The following MAPK4 variants were observed in gnomAD, a reference collection of about 807,000 sequenced individuals.
The protein encoded by MAPK4 is mitogen-activated protein kinase 4, also known as Erk3-related.
In MAPK4, 22 loss-of-function variants were observed where a neutral mutation model predicts 47.7. The ratio of observed to expected loss-of-function variants is 0.46; its 90% CI spans 0.33 to 0.66. The LOEUF is 0.66. Among genes scored for constraint, MAPK4 ranks in the 30% least tolerant of loss-of-function variants. The pLI, the probability that MAPK4 is intolerant of heterozygous loss-of-function variation, is 0.02. For synonymous variants in MAPK4, 390 were observed against 365.7 expected (o/e 1.07, Z -0.76); for missense variants, 736 against 831.7 (o/e 0.88, Z 1.42).
chr18:50,614,718 G>T (rs565037755), intron 1 of MAPK4, among the ~76,000 whole-genome samples: 7 of 152,242 alleles, frequency 4.6e-5, no homozygotes, highest in African/African-American at 1.7e-4. Flanking sequence ...ATATTTAAAG[G>T]TTACGAATTG....
intron 1 of MAPK4, among the ~76,000 whole-genome samples, chr18:50,632,632 T>TC (rs2042841731): frequency 6.6e-6 from 1 of 150,462 alleles, no homozygotes; most frequent in South Asian, 2.1e-4. Context: ...TTTTTTTTTT[T>TC]TTTTTGAGAC....
intron 2 of MAPK4, chr18:50,706,234 G>A (rs1410563998): frequency 6.6e-6 from 1 of 152,098 alleles, no homozygotes; most frequent in Admixed American, 6.5e-5. Flanking sequence ...CCTGAGGGGA[G>A]GTAGAAATAG....
chr18:50,583,139 G>A (rs940895678), intron 1 of MAPK4, among the ~76,000 whole-genome samples: 6 of 152,166 alleles, frequency 3.9e-5, no homozygotes, highest in Non-Finnish European at 7.3e-5. Flanking sequence ...CAGAAGGAAA[G>A]CTCTCAACTG....
chr18:50,620,591 CT>C (rs2042723018), intron 1 of MAPK4, among the ~76,000 whole-genome samples: 2 of 152,100 alleles, frequency 1.3e-5, no homozygotes, highest in Non-Finnish European at 2.9e-5. Flanking sequence ...ACCATCATAT[CT>C]TCTTGCTCAT....
intron 1 of MAPK4, among the ~76,000 whole-genome samples, chr18:50,639,169 G>A (rs2042916923): frequency 6.6e-6 from 1 of 152,234 alleles, no homozygotes; most frequent in South Asian, 2.1e-4. Flanking sequence ...ACCTTGGCCT[G>A]TGGGTGGAAG....
chr18:50,717,125 AC>A (rs2144448002), intron 3 of MAPK4, among the ~76,000 whole-genome samples: 1 of 152,238 alleles, frequency 6.6e-6, no homozygotes, highest in African/African-American at 2.4e-5. Context: ...CTATCCTGAC[AC>A]AGAGCCCCAC....
intron 1 of MAPK4, among the ~76,000 whole-genome samples, chr18:50,661,321 A>G (rs1432716583): frequency 6.6e-6 from 1 of 152,188 alleles, no homozygotes; most frequent in Non-Finnish European, 1.5e-5. Flanking sequence ...CCCCTGAGTT[A>G]GGTATCCAGG....
chr18:50,702,497 A>G (rs78556750), intron 2 of MAPK4, among the ~76,000 whole-genome samples: 2,215 of 152,348 alleles, frequency 0.015, 47 homozygotes, highest in African/African-American at 0.05. Context: ...TAATTAGTAA[A>G]AATGTTATTT....
intron 1 of MAPK4, among the ~76,000 whole-genome samples, chr18:50,650,665 C>T (rs141896647): frequency 4.9e-4 from 74 of 152,294 alleles, no homozygotes; most frequent in South Asian, 3.5e-3. Context: ...ACTTCCTCAC[C>T]AGGACAGGGC....
intron 2 of MAPK4, among the ~76,000 whole-genome samples, chr18:50,713,782 G>T (rs1598945294): frequency 6.6e-6 from 1 of 152,210 alleles, no homozygotes; most frequent in Non-Finnish European, 1.5e-5. Flanking sequence ...GAAGAAGAGG[G>T]CACATTCTAC....
intron 1 of MAPK4, among the ~76,000 whole-genome samples, chr18:50,642,691 T>A (rs140612607): frequency 1.3e-5 from 2 of 152,186 alleles, no homozygotes; most frequent in South Asian, 4.1e-4. Flanking sequence ...CTTGTTCAGA[T>A]ATGCCACAGG....
rs146021603 is a variant in MAPK4, at chr18:50,569,216, A to G, written c.-871+8973A>G. ...TCATTTTAAGATGTACAGTGTTTTT[A>G]TATTTTAGTCTCTGAAATCAGTATG... On this transcript the variant is annotated intron_variant, in intron 1 of 5. Coordinates refer to ENST00000400384, the MANE Select transcript of MAPK4 (RefSeq NM_002747.4). Among the ~76,000 whole-genome samples the G allele has an allele frequency of 2.7e-3, 405 of 152,318 alleles. 4 individuals are homozygous for G. Among genetic ancestry groups the G allele is most frequent in the Admixed American group, 0.022 (336 of 15,294 alleles).
chr18:50,589,117 C>G (rs1460654383), intron 1 of MAPK4, among the ~76,000 whole-genome samples: 1 of 152,154 alleles, frequency 6.6e-6, no homozygotes. Flanking sequence ...AGAAACAGCT[C>G]TGGTACGTGG....
At chr18:50,667,938 C>T (rs930573265) in intron 2 of MAPK4, among the ~76,000 whole-genome samples, 1 of 152,164 alleles carries the variant, frequency 6.6e-6, no homozygotes, top group African/African-American at 2.4e-5. Flanking sequence ...CCCCTCCTTC[C>T]CACGAGTCAT....
At chr18:50,572,136 G>A (rs777936843) in intron 1 of MAPK4, among the ~76,000 whole-genome samples, 13 of 152,162 alleles carry the variant, frequency 8.5e-5, no homozygotes, top group Non-Finnish European at 1.8e-4. Flanking sequence ...TTCAATACTT[G>A]CAGTGTAGGA....
At chr18:50,634,451 G>A (rs1408250584) in intron 1 of MAPK4, among the ~76,000 whole-genome samples, 1 of 152,076 alleles carries the variant, frequency 6.6e-6, no homozygotes, top group African/African-American at 2.4e-5. Context: ...AGCCGAACAC[G>A]AGTAGTCTCT....
chr18:50,561,750 C>T (rs1041551989), intron 1 of MAPK4, among the ~76,000 whole-genome samples: 3 of 152,156 alleles, frequency 2.0e-5, no homozygotes, highest in Non-Finnish European at 2.9e-5. Context: ...CTTGAGGGTA[C>T]ACTTCTATGC....
rs188801702 is a variant in MAPK4, at chr18:50,631,353, G to A, written c.-870-31736G>A. Among the ~76,000 whole-genome samples the A allele has an allele frequency of 4.2e-4, 64 of 152,150 alleles. No homozygotes were observed. In the East Asian group the frequency reaches 0.011, roughly 27 times the overall value. ...TTAGATAAGCTTTGATCAGACATAC[G>A]GTTGGCTGTGAGTTCAATGTTAACG... On this transcript the variant is annotated intron_variant, in intron 1 of 5. Coordinates refer to ENST00000400384, the MANE Select transcript of MAPK4 (RefSeq NM_002747.4).
intron 1 of MAPK4, among the ~76,000 whole-genome samples, chr18:50,648,217 G>C (rs1381404972): frequency 1.3e-5 from 2 of 152,052 alleles, no homozygotes. Flanking sequence ...TAACATTTCA[G>C]CACAGCATGA....
Sources: gnomAD v4.1 joint callset for allele counts (sites outside exome capture counted in the v4.1 genomes callset) on GRCh38, gnomAD v4.1.1 for gene constraint, MANE v1.5 for transcripts, NCBI Gene and HGNC (gene_info 2026-07-23, HGNC 2026-07-21) for gene names.